RAB11B: variants seen among roughly 807,000 people sequenced by gnomAD.
The protein encoded by RAB11B is ras-related protein Rab-11B.
RAB11B carries 7 observed loss-of-function variants against 23.7 expected under a neutral mutation model. The ratio of observed to expected loss-of-function variants is 0.29; its 90% CI spans 0.17 to 0.55. The LOEUF (loss-of-function observed/expected upper bound fraction) is 0.55, where lower values mean the gene tolerates loss of function less well. Among genes scored for constraint, RAB11B ranks in the 20% least tolerant of loss-of-function variants. RAB11B has a pLI of 0.93. For synonymous variants in RAB11B, 138 were observed against 132.0 expected (o/e 1.05, Z -0.31); for missense variants, 189 against 320.0 (o/e 0.59, Z 3.12).
At chr19:8,391,587 T>C (rs1369084271) in intron 1 of RAB11B, among the ~76,000 whole-genome samples, 5 of 152,216 alleles carry the variant, frequency 3.3e-5, no homozygotes, top group Non-Finnish European at 5.9e-5. Context: ...TCTGCCCTGG[T>C]TGCTGGGCTC....
At chr19:8,393,748 G>A (rs1202322997) in intron 1 of RAB11B, among the ~76,000 whole-genome samples, 1 of 152,154 alleles carries the variant, frequency 6.6e-6, no homozygotes, top group Non-Finnish European at 1.5e-5. Context: ...GGCACTGCTT[G>A]GCTCCGCCAG....
intron 2 of RAB11B, among the ~76,000 whole-genome samples, chr19:8,400,758 G>A (rs1398420078): frequency 6.6e-6 from 1 of 151,794 alleles, no homozygotes; most frequent in African/African-American, 2.4e-5. Flanking sequence ...GGCTAATTTT[G>A]TATTTTTAGT....
chr19:8,402,066 A>G lies in RAB11B; in HGVS notation c.237-20A>G. On this transcript the variant is annotated intron_variant, in intron 2 of 4. Transcript: ENST00000328024. ...CCATGGTTGTCCTCCAGAGAGGCTC[A>G]TGGGCCCCTGACCCTGCAGGTACTA... The G allele has an allele frequency of 1.3e-6, 2 of 1,559,248 alleles. No homozygotes were observed. Among genetic ancestry groups the G allele is most frequent in the South Asian group, 1.2e-5 (1 of 84,644 alleles).
chr19:8,395,903 G>T (rs1024838070), intron 1 of RAB11B, among the ~76,000 whole-genome samples: 1 of 152,166 alleles, frequency 6.6e-6, no homozygotes, highest in African/African-American at 2.4e-5. Flanking sequence ...GGATGCAGAA[G>T]ACCTGGGTTC....
At chr19:8,403,161 G>A (rs568046244) in intron 4 of RAB11B, among the ~76,000 whole-genome samples, 1 of 152,340 alleles carries the variant, frequency 6.6e-6, no homozygotes, top group Admixed American at 6.5e-5. Flanking sequence ...GGGACCTGGA[G>A]CCTTTTGGCT....
chr19:8,400,225 C>T, intron 2 of RAB11B, 167 bp downstream of exon 2: 2 of 834,878 alleles, frequency 2.4e-6, no homozygotes, highest in South Asian at 3.4e-5. Context: ...GTGGGACCCT[C>T]AGGCTGACCA....
At chr19:8,397,615 C>T (rs983981221) in intron 1 of RAB11B, among the ~76,000 whole-genome samples, 1 of 151,832 alleles carries the variant, frequency 6.6e-6, no homozygotes, top group African/African-American at 2.4e-5. Context: ...TTCCAGTGCC[C>T]GAGGCAGGAA....
At chr19:8,403,202 G>A (rs1275816129) in intron 4 of RAB11B, among the ~76,000 whole-genome samples, 2 of 152,162 alleles carry the variant, frequency 1.3e-5, no homozygotes, top group Non-Finnish European at 2.9e-5. Context: ...GGAGGAGGGC[G>A]CTTCTGATCT....
chr19:8,391,855 G>T (rs548081406), intron 1 of RAB11B, among the ~76,000 whole-genome samples: 2 of 151,804 alleles, frequency 1.3e-5, no homozygotes, highest in Admixed American at 6.6e-5. Context: ...AAAGCCTTCC[G>T]GGGGGAGGGA....
At chr19:8,401,605 T>G (rs1171891877) in intron 2 of RAB11B, among the ~76,000 whole-genome samples, 1 of 151,986 alleles carries the variant, frequency 6.6e-6, no homozygotes, top group East Asian at 1.9e-4. Flanking sequence ...CAGGCTGATC[T>G]TGAATTCCTG....
chr19:8,398,984 G>A (rs994152491), intron 1 of RAB11B, among the ~76,000 whole-genome samples: 20 of 149,714 alleles, frequency 1.3e-4, no homozygotes, highest in African/African-American at 2.5e-4. Context: ...ATGGAGTCTC[G>A]CTCTGTCACC....
At chr19:8,393,471 G>T (rs1183506786) in intron 1 of RAB11B, among the ~76,000 whole-genome samples, 1 of 152,232 alleles carries the variant, frequency 6.6e-6, no homozygotes, top group Admixed American at 6.5e-5. Flanking sequence ...TGTCCCCAGG[G>T]AAGGGGCCTG....
At chr19:8,392,860 G>A (rs941437553) in intron 1 of RAB11B, among the ~76,000 whole-genome samples, 3 of 151,338 alleles carry the variant, frequency 2.0e-5, no homozygotes, top group African/African-American at 4.9e-5. Flanking sequence ...GCTAATTTTT[G>A]TATTTTAGTA....
intron 1 of RAB11B, 128 bp downstream of exon 1, chr19:8,390,584 G>A (rs1971340082): frequency 8.9e-6 from 9 of 1,012,924 alleles, no homozygotes; most frequent in Non-Finnish European, 7.8e-6. Context: ...GGGTCAGGCA[G>A]CCGGGAAGGC....
intron 1 of RAB11B, among the ~76,000 whole-genome samples, chr19:8,390,843 G>T (rs574178830): frequency 1.0e-3 from 153 of 151,834 alleles, no homozygotes; most frequent in Admixed American, 2.7e-3. Flanking sequence ...TAGGGGCGGG[G>T]CTAAGGCGTG....
rs991085341 is a variant in RAB11B, at chr19:8,396,318, C to T, written c.41-3545C>T. 1.3e-5 allele frequency among the ~76,000 whole-genome samples: 2 copies of T among 152,130 alleles called. No homozygotes were observed. Among genetic ancestry groups the T allele is most frequent in the Non-Finnish European group, 2.9e-5 (2 of 68,024 alleles). Reference sequence around the variant, plus strand: ...TGGGAGGCTCTGCCAGCCTTTTTGGCATTTTGTTTGTTCACTTGACAGACA... The same window carrying T: ...TGGGAGGCTCTGCCAGCCTTTTTGGTATTTTGTTTGTTCACTTGACAGACA... On this transcript the variant is annotated intron_variant, in intron 1 of 4. Transcript: ENST00000328024. The surrounding 1 kb of genome is among the most constrained non-coding windows in gnomAD (Gnocchi z 5.0).
intron 1 of RAB11B, among the ~76,000 whole-genome samples, chr19:8,397,004 G>A (rs1185389440): frequency 1.3e-5 from 2 of 152,204 alleles, no homozygotes; most frequent in Non-Finnish European, 2.9e-5. Flanking sequence ...CCTTCTCTTG[G>A]ATCTGTTTCG....
intron 1 of RAB11B, among the ~76,000 whole-genome samples, chr19:8,394,815 G>T (rs1343093451): frequency 6.6e-6 from 1 of 152,184 alleles, no homozygotes; most frequent in Non-Finnish European, 1.5e-5. Context: ...CTATAATCCC[G>T]GCTACTCGGG....
chr19:8,390,463 C>A lies in RAB11B; in HGVS notation c.40+7C>A. 2 of 1,506,152 alleles carry A rather than the reference C, an allele frequency of 1.3e-6. No individual in the cohort carries two copies. Among genetic ancestry groups the A allele is most frequent in the Non-Finnish European group, 1.8e-6 (2 of 1,130,598 alleles). 93.3% of individuals were successfully genotyped at this position (1,506,152 alleles called of 1,614,324 possible). Reference sequence around the variant, plus strand: ...TACGACTACCTATTCAAAGGTGCGGCCGGTGGGGCACAGACGGGCGAAGTC... The same window carrying A: ...TACGACTACCTATTCAAAGGTGCGGACGGTGGGGCACAGACGGGCGAAGTC... On this transcript the variant is annotated splice_region_variant and intron_variant, in intron 1 of 4. Coordinates refer to ENST00000328024, the MANE Select transcript of RAB11B (RefSeq NM_004218.4).
Sources: gnomAD v4.1 joint callset for allele counts (sites outside exome capture counted in the v4.1 genomes callset) on GRCh38, gnomAD v4.1.1 for gene constraint, Gnocchi (gnomAD v3.1) non-coding constraint, MANE v1.5 for transcripts, NCBI Gene and HGNC (gene_info 2026-07-23, HGNC 2026-07-21) for gene names.